Variants in PCLO observed in about 807,000 individuals in gnomAD.
The protein encoded by PCLO is protein piccolo.
In PCLO, 82 loss-of-function variants were observed where a neutral mutation model predicts 427.5. That is an observed-to-expected ratio of 0.19 (90% CI 0.16 to 0.23). The LOEUF is 0.23. Ranked by LOEUF, PCLO falls within the 10% of genes least tolerant of loss-of-function variation. The pLI is 1.00. For synonymous variants in PCLO, 2,357 were observed against 2,155.4 expected, an observed-to-expected ratio of 1.09 and a Z score of -2.59; for missense variants, 6,239 against 6,115.9, an observed-to-expected ratio of 1.02 and a Z score of -0.67.
chr7:82,907,657 A>C (rs981877440), intron 8 of PCLO, among the ~76,000 whole-genome samples: 1 of 152,004 alleles, frequency 6.6e-6, no homozygotes, highest in Admixed American at 6.6e-5. Context: ...AATTATATTG[A>C]CATTTTAATG....
At chr7:83,072,474 T>C (rs1412277322) in intron 3 of PCLO, among the ~76,000 whole-genome samples, 1 of 152,068 alleles carries the variant, frequency 6.6e-6, no homozygotes, top group African/African-American at 2.4e-5. Context: ...ACCACACTCG[T>C]CACCAAAAGT....
At chr7:83,090,413 G>T (rs1398684520) in intron 3 of PCLO, among the ~76,000 whole-genome samples, 1 of 152,118 alleles carries the variant, frequency 6.6e-6, no homozygotes, top group Admixed American at 6.6e-5. Context: ...TGATCAATTA[G>T]GAAGTTACTA....
chr7:82,952,731 G>A lies in PCLO; in HGVS notation c.8222C>T (p.Thr2741Ile). The change falls in exon 5 of 25, where the codon ACT becomes ATT. Residue 2741 changes from threonine (T) to isoleucine (I), a missense_variant. Physicochemically the swap from Thr to Ile is moderately conservative, Grantham distance 89 (BLOSUM62 -1). This residue lies in a region of PCLO where 4,677 missense variants were observed against 4,468.4 expected (regional missense o/e 1.05). Coordinates refer to ENST00000333891, the MANE Select transcript of PCLO (RefSeq NM_033026.6). The stretch of plus-strand genomic sequence containing the variant: ...AGCAGAAAGATCAATACATTTATCA[G>A]TTGTTTTAACTTCTACCTTTGGTAC... ...RTVPKVEVKTTDKCIDLSAST... is the reference protein window; with the variant it reads ...RTVPKVEVKTIDKCIDLSAST... 6.2e-7 allele frequency: 1 copy of A among 1,613,648 alleles called. No individual in the cohort carries two copies. The highest frequency in any genetic ancestry group is 8.5e-7 in the Non-Finnish European group (1 of 1,179,684).
At chr7:83,092,946 C>CAAAAA (rs10684707) in intron 3 of PCLO, among the ~76,000 whole-genome samples, 48 of 89,536 alleles carry the variant, frequency 5.4e-4, no homozygotes, top group East Asian at 5.2e-3. Flanking sequence ...GACTCTGTCT[C>CAAAAA]AAAAAAAAAA....
At chr7:82,897,006 T>A (rs1328558973) in intron 9 of PCLO, among the ~76,000 whole-genome samples, 1 of 151,684 alleles carries the variant, frequency 6.6e-6, no homozygotes, top group Non-Finnish European at 1.5e-5. Context: ...GGCCATAAGA[T>A]GGAGTTTTAA....
At chr7:83,025,238 C>A (rs1347152526) in intron 3 of PCLO, among the ~76,000 whole-genome samples, 2 of 151,984 alleles carry the variant, frequency 1.3e-5, no homozygotes, top group South Asian at 2.1e-4. Context: ...ATTAGAATAA[C>A]CAATACAGAG....
intron 2 of PCLO, among the ~76,000 whole-genome samples, chr7:83,152,164 CTG>C (rs1214517208): frequency 6.6e-6 from 1 of 151,550 alleles, no homozygotes; most frequent in Non-Finnish European, 1.5e-5. Context: ...CGGGGTTTCA[CTG>C]TGTTAGCCAG....
chr7:82,799,236 A>C (rs1214396973), intron 22 of PCLO, among the ~76,000 whole-genome samples: 1 of 152,220 alleles, frequency 6.6e-6, no homozygotes, highest in Non-Finnish European at 1.5e-5. Flanking sequence ...CTAATTGTAT[A>C]GATGATCATA....
intron 22 of PCLO, among the ~76,000 whole-genome samples, chr7:82,762,407 T>C (rs925299197): frequency 2.6e-5 from 4 of 152,010 alleles, no homozygotes; most frequent in Non-Finnish European, 5.9e-5. Context: ...ATAGAAGCCA[T>C]GTTAAGAATT....
chr7:83,156,415 A>T (rs1792303282), intron 1 of PCLO, 23 bp from the exon 2 acceptor site: 4 of 1,415,206 alleles, frequency 2.8e-6, no homozygotes, highest in Middle Eastern at 3.7e-4. Flanking sequence ...AAAAAAAAAA[A>T]AAAAATCAAG....
chr7:83,031,348 A>T (rs1432754228), intron 3 of PCLO, among the ~76,000 whole-genome samples: 5 of 152,196 alleles, frequency 3.3e-5, no homozygotes, highest in Non-Finnish European at 7.3e-5. Flanking sequence ...ATGGAAATGT[A>T]TGTTTTACTA....
Position 83,122,286 on chromosome 7 carries a change from CTTTTTTT to C in PCLO, c.3300+11957_3300+11963del, listed in dbSNP as rs71074624. ...TTTCCTTCTTTCTTTCTTTTCTTTTCTTTTTTTTTTTTTTTTTTTTATGGTGTTTTGC... is the reference window on the plus strand; with the variant it reads ...TTTCCTTCTTTCTTTCTTTTCTTTTCTTTTTTTTTTTTTATGGTGTTTTGC... On this transcript the variant is annotated intron_variant, in intron 3 of 24. Transcript: ENST00000333891. 6.2e-5 allele frequency among the ~76,000 whole-genome samples: 8 copies of C among 128,292 alleles called. No homozygotes were observed. In the East Asian group the frequency reaches 1.6e-3, roughly 26 times the overall value. The allele number at this position is 128,292 out of a possible 152,430, so 84.2% of individuals were successfully genotyped here. A position where few individuals can be genotyped will look rare whatever the true frequency, so the allele number is the denominator to read the frequency against.
intron 3 of PCLO, among the ~76,000 whole-genome samples, chr7:83,129,940 T>A (rs1791528269): frequency 6.6e-6 from 1 of 152,176 alleles, no homozygotes; most frequent in Admixed American, 6.6e-5. Context: ...TTGAATATTT[T>A]AACTAAATAT....
At chr7:83,149,179 A>G (rs940037903) in intron 2 of PCLO, among the ~76,000 whole-genome samples, 5 of 152,170 alleles carry the variant, frequency 3.3e-5, no homozygotes, top group Non-Finnish European at 7.3e-5. Flanking sequence ...AGTGAAGATT[A>G]AGAAAGAGAC....
At position 82,956,180 on chromosome 7, in the gene PCLO, G is replaced by T; in HGVS notation, c.4773C>A (p.Ser1591Arg). 6.2e-7 allele frequency: 1 copy of T among 1,608,944 alleles called. No individual in the cohort carries two copies. ...TTCCCTTTGTTTCTTCCTTCTTCTG[G>T]CTCTCAGTACTGCTACTAATCTCTT... Reference protein sequence around the residue: ...QLKEISSSTESQKKEETKGKG... With the variant: ...QLKEISSSTERQKKEETKGKG... The change falls in exon 5 of 25, where the codon AGC (serine) becomes AGA (arginine). Residue 1591 changes from serine to arginine, a missense_variant. By Grantham distance (110) the Ser-to-Arg change is moderately radical (BLOSUM62 -1). Coordinates refer to ENST00000333891, the MANE Select transcript of PCLO (RefSeq NM_033026.6).
intron 9 of PCLO, among the ~76,000 whole-genome samples, chr7:82,885,892 C>T (rs550689310): frequency 1.3e-5 from 2 of 152,048 alleles, no homozygotes; most frequent in South Asian, 4.2e-4. Context: ...AAGAGTGAAG[C>T]CCATATTCTT....
chr7:82,937,175 T>G (rs1167042717), intron 6 of PCLO, among the ~76,000 whole-genome samples: 1 of 151,738 alleles, frequency 6.6e-6, no homozygotes, highest in Non-Finnish European at 1.5e-5. Context: ...TCAATTAAAA[T>G]AGCAGTCCTT....
At chr7:83,076,999 A>AATAC (rs1789971402) in intron 3 of PCLO, among the ~76,000 whole-genome samples, 1 of 92,456 alleles carries the variant, frequency 1.1e-5, no homozygotes, top group Non-Finnish European at 2.2e-5. Flanking sequence ...AAGTATAATA[A>AATAC]TTTTAAAATT....
chr7:82,842,517 G>T (rs1792392587), intron 13 of PCLO, among the ~76,000 whole-genome samples: 1 of 151,962 alleles, frequency 6.6e-6, no homozygotes, highest in African/African-American at 2.4e-5. Flanking sequence ...GAAAGCACAG[G>T]CAACAAAAGC....
Sources: gnomAD v4.1 joint callset for allele counts (sites outside exome capture counted in the v4.1 genomes callset) on GRCh38, gnomAD v4.1.1 for gene constraint, gnomAD v4.1.1 regional missense constraint, MANE v1.5 for transcripts, NCBI Gene and HGNC (gene_info 2026-07-23, HGNC 2026-07-21) for gene names.